Variants in STIL observed in about 807,000 individuals in gnomAD.
The protein encoded by STIL is STIL centriolar assembly protein.
In STIL, 55 loss-of-function variants were observed where a neutral mutation model predicts 110.1. The ratio of observed to expected loss-of-function variants is 0.50; its 90% CI spans 0.40 to 0.63. STIL has a LOEUF of 0.63. STIL is among the 20% of genes least tolerant of loss of function. The probability of loss-of-function intolerance (pLI) is 0.00; values close to 1 mark genes in which losing one functional copy is unlikely to be tolerated. For missense variants in STIL, 1,358 were observed against 1,530.0 expected (o/e 0.89, Z 1.87); for synonymous variants, 481 against 530.0 (o/e 0.91, Z 1.27).
chr1:47,295,372 G>A (rs1033250290), intron 7 of STIL, among the ~76,000 whole-genome samples: 5 of 152,092 alleles, frequency 3.3e-5, no homozygotes, highest in Admixed American at 2.0e-4. Flanking sequence ...TTGAGGCCAC[G>A]GGTTCGAGAC....
intron 6 of STIL, among the ~76,000 whole-genome samples, chr1:47,296,669 G>T (rs896970288): frequency 1.3e-5 from 2 of 151,994 alleles, no homozygotes. Flanking sequence ...AATTAGCCAG[G>T]CATTGTGGCA....
chr1:47,251,208 C>T lies in STIL; in HGVS notation c.3795G>A (p.Gln1265=), dbSNP rs750995459. ...TGCCTACTGAATTCATGCTATTCAT[C>T]TGCTTTAGCGTTTCAGAAGGTTGCA... ...ESLQPSETLK[Q]MNSMNSVGTF... is the part of the protein sequence containing the mutation. Residue 1265 remains glutamine, a synonymous_variant, in exon 17 of 17, where the codon CAG becomes CAA. Transcript: ENST00000371877. 4.2e-5 allele frequency: 67 copies of T among 1,612,000 alleles called. No homozygotes were observed. Among genetic ancestry groups the T allele is most frequent in the Non-Finnish European group, 5.7e-5 (67 of 1,179,496 alleles).
intron 1 of STIL, among the ~76,000 whole-genome samples, chr1:47,312,272 C>G (rs557974641): frequency 7.2e-5 from 11 of 151,936 alleles, no homozygotes; most frequent in Non-Finnish European, 1.3e-4. Flanking sequence ...GGGTGGATCA[C>G]GAGGTCAGGA....
Position 47,275,379 on chromosome 1 carries a change from C to T in STIL, c.2218-3138G>A, listed in dbSNP as rs1021959235. Among the ~76,000 whole-genome samples the T allele has an allele frequency of 7.9e-5, 12 of 151,578 alleles. No homozygotes were observed. In the East Asian group the frequency reaches 9.7e-4, roughly 12 times the overall value. ...ATCCCAGCACTTTGGGAGGCTGAGGCGGGCGGATCACAAGGTCAGGAGATC... is the reference window on the plus strand; with the variant it reads ...ATCCCAGCACTTTGGGAGGCTGAGGTGGGCGGATCACAAGGTCAGGAGATC... On this transcript the variant is annotated intron_variant, in intron 12 of 16. Transcript: ENST00000371877.
chr1:47,257,359 T>C (rs1644357787), intron 16 of STIL, among the ~76,000 whole-genome samples: 1 of 152,066 alleles, frequency 6.6e-6, no homozygotes, highest in Non-Finnish European at 1.5e-5. Flanking sequence ...ATAGAGATGA[T>C]GGCACACGCC....
intron 12 of STIL, among the ~76,000 whole-genome samples, chr1:47,272,743 T>C (rs1384915532): frequency 6.6e-6 from 1 of 152,180 alleles, no homozygotes; most frequent in Non-Finnish European, 1.5e-5. Flanking sequence ...TAAAGGTGTT[T>C]AGCTTAGTAT....
intron 4 of STIL, 122 bp from the exon 5 acceptor site, chr1:47,301,870 A>G: frequency 1.2e-6 from 1 of 858,916 alleles, no homozygotes. Flanking sequence ...ACTCTTAAAT[A>G]CTAAACTAAA....
intron 12 of STIL, among the ~76,000 whole-genome samples, chr1:47,273,678 G>C (rs1031313812): frequency 6.6e-6 from 1 of 152,130 alleles, no homozygotes; most frequent in African/African-American, 2.4e-5. Flanking sequence ...AGCTTTTTGT[G>C]TGGACATATT....
At chr1:47,269,975 G>T in intron 13 of STIL, 109 bp from the exon 14 acceptor site, 1 of 1,018,882 alleles carries the variant, frequency 9.8e-7, no homozygotes, top group Non-Finnish European at 1.5e-6. Context: ...AATGGCTCAC[G>T]CCTATAATCC....
At chr1:47,283,796 C>T (rs1645214126) in intron 10 of STIL, 1 of 151,580 alleles carries the variant, frequency 6.6e-6, no homozygotes, top group Admixed American at 6.6e-5. Context: ...CTTTTGTATA[C>T]CTGAGTTGTG....
chr1:47,297,319 T>C (rs1183091125), intron 6 of STIL, among the ~76,000 whole-genome samples: 1 of 149,022 alleles, frequency 6.7e-6, no homozygotes, highest in African/African-American at 2.5e-5. Flanking sequence ...CACTCCAGCC[T>C]GGCAACAGAG....
At chr1:47,254,540 G>T (rs77227006) in intron 16 of STIL, among the ~76,000 whole-genome samples, 184 of 145,828 alleles carry the variant, frequency 1.3e-3, no homozygotes, top group African/African-American at 4.0e-3. Context: ...TTTTTTTTTT[G>T]TTTTTTTTGA....
chr1:47,266,251 T>G (rs759861010), intron 14 of STIL, among the ~76,000 whole-genome samples: 16 of 152,260 alleles, frequency 1.1e-4, no homozygotes, highest in Admixed American at 3.9e-4. Context: ...ACATGTTTAT[T>G]GTCTTAACCA....
intron 15 of STIL, among the ~76,000 whole-genome samples, chr1:47,261,113 C>T (rs1026327063): frequency 3.3e-5 from 5 of 151,786 alleles, no homozygotes; most frequent in Admixed American, 1.3e-4. Flanking sequence ...ATAAGCTGGG[C>T]GTGGTGGCTC....
chr1:47,296,401 T>C (rs931386079), intron 6 of STIL, among the ~76,000 whole-genome samples: 1 of 152,148 alleles, frequency 6.6e-6, no homozygotes, highest in Non-Finnish European at 1.5e-5. Flanking sequence ...AAGGACATTA[T>C]ACTATATTTA....
chr1:47,255,461 T>A (rs955855938), intron 16 of STIL, among the ~76,000 whole-genome samples: 2 of 150,304 alleles, frequency 1.3e-5, no homozygotes, highest in African/African-American at 4.9e-5. Flanking sequence ...AGTGGGAGGA[T>A]CACTTGAGCC....
In STIL at chr1:47,273,239, G is replaced by A. The variant is rs116379343; in HGVS notation, c.2218-998C>T. Among the ~76,000 whole-genome samples, 378 of 152,260 alleles carry A rather than the reference G, an allele frequency of 2.5e-3. 3 individuals carry two copies. The highest frequency in any genetic ancestry group is 8.8e-3 in the African/African-American group (367 of 41,546). On this transcript the variant is annotated intron_variant, in intron 12 of 16. Coordinates refer to ENST00000371877, the MANE Select transcript of STIL (RefSeq NM_001048166.1). ...TAATTCATGTACCATGAAATTAGCT[G>A]CTTTAAAGTGTACAATTCAGTGGTT...
intron 3 of STIL, among the ~76,000 whole-genome samples, chr1:47,303,797 CT>C (rs2149218593): frequency 6.6e-6 from 1 of 152,264 alleles, no homozygotes; most frequent in South Asian, 2.1e-4. Context: ...CGAATACTTT[CT>C]TTCTTGTATC....
chr1:47,269,598 G>C (rs751409966), intron 14 of STIL, 37 bp downstream of exon 14: 8 of 1,588,874 alleles, frequency 5.0e-6, no homozygotes, highest in Non-Finnish European at 6.0e-6. Context: ...AATTTTTTTT[G>C]AAAGTAGGAT....
Sources: allele counts gnomAD v4.1 joint callset (sites outside exome capture counted in the v4.1 genomes callset), GRCh38; gene constraint gnomAD v4.1.1; transcripts MANE v1.5; gene names NCBI Gene and HGNC (gene_info 2026-07-23, HGNC 2026-07-21).